CSRNP3: variants seen among roughly 807,000 people sequenced by gnomAD.
The protein encoded by CSRNP3 is cysteine/serine-rich nuclear protein 3.
A neutral mutation model predicts 48.0 loss-of-function variants in CSRNP3; 12 were observed. The observed-to-expected ratio is 0.25, with a 90% CI of 0.16 to 0.41. CSRNP3 has a LOEUF of 0.41. Among genes scored for constraint, CSRNP3 ranks in the 10% least tolerant of loss-of-function variants. The pLI, the probability that CSRNP3 is intolerant of heterozygous loss-of-function variation, is 1.00. For synonymous variants in CSRNP3, 263 were observed against 269.7 expected, an observed-to-expected ratio of 0.98 and a Z score of 0.24; for missense variants, 580 against 724.4, an observed-to-expected ratio of 0.80 and a Z score of 2.29.
intron 3 of CSRNP3, among the ~76,000 whole-genome samples, chr2:165,532,315 A>C (rs546929182): frequency 9.7e-4 from 147 of 152,266 alleles, no homozygotes; most frequent in African/African-American, 3.4e-3. Context: ...CCTCAATAAA[A>C]TACTGGCAAA....
intron 3 of CSRNP3, among the ~76,000 whole-genome samples, chr2:165,559,671 ATAATACAAT>A (rs1685204663): frequency 6.6e-6 from 1 of 152,100 alleles, no homozygotes; most frequent in South Asian, 2.1e-4. Flanking sequence ...AGAATGTAAA[ATAATACAAT>A]TAAGACAAGA....
At position 165,479,945 on chromosome 2, in the gene CSRNP3, G is replaced by T. The variant is rs533430397; in HGVS notation, c.-283+10205G>T. 3.9e-5 allele frequency among the ~76,000 whole-genome samples: 6 copies of T among 152,068 alleles called. No individual in the cohort carries two copies. In the South Asian group the frequency reaches 1.2e-3, roughly 32 times the overall value. ...GGTTCTTTGTTCAGGGCCTCACAAG[G>T]CCAGAATAAAGGTGTCACTTGGCTG... On this transcript the variant is annotated intron_variant, in intron 1 of 6. Coordinates refer to ENST00000651982, the MANE Select transcript of CSRNP3 (RefSeq NM_001172173.2).
At chr2:165,653,972 CAAAAAAAAAAAAAAAAAAAAAAAA>C (rs71028497) in intron 4 of CSRNP3, among the ~76,000 whole-genome samples, 1 of 41,204 alleles carries the variant, frequency 2.4e-5, no homozygotes. Flanking sequence ...AGCTCTATCA[CAAAAAAAAAAAAAAAAAAAAAAAA>C]AAAAAAAAAA....
intron 3 of CSRNP3, among the ~76,000 whole-genome samples, chr2:165,522,079 C>A (rs1005453215): frequency 2.6e-5 from 4 of 152,004 alleles, no homozygotes; most frequent in Non-Finnish European, 5.9e-5. Flanking sequence ...TCACTTGAGT[C>A]CAGGAGTTTG....
intron 3 of CSRNP3, 51 bp from the exon 4 acceptor site, chr2:165,594,992 C>G (rs1009632149): frequency 6.4e-7 from 1 of 1,553,078 alleles, no homozygotes; most frequent in African/African-American, 1.4e-5. Flanking sequence ...CTTGGCTACA[C>G]GTTCAGCGGT....
intron 3 of CSRNP3, among the ~76,000 whole-genome samples, chr2:165,588,859 G>A (rs184486371): frequency 1.4e-4 from 22 of 152,298 alleles, no homozygotes; most frequent in Admixed American, 1.2e-3. Flanking sequence ...CTACTGGTGA[G>A]GCAGAGGTGG....
At chr2:165,646,258 G>T (rs539766876) in intron 4 of CSRNP3, among the ~76,000 whole-genome samples, 2 of 152,116 alleles carry the variant, frequency 1.3e-5, no homozygotes, top group African/African-American at 4.8e-5. Flanking sequence ...GTGGTTTTGG[G>T]CCCAGTCTTG....
intron 3 of CSRNP3, among the ~76,000 whole-genome samples, chr2:165,586,628 T>C (rs1394132470): frequency 1.3e-5 from 2 of 152,204 alleles, no homozygotes; most frequent in Non-Finnish European, 2.9e-5. Context: ...TATGGTGTTC[T>C]TAAGACATAT....
intron 3 of CSRNP3, among the ~76,000 whole-genome samples, chr2:165,539,866 G>T (rs759946056): frequency 6.6e-6 from 1 of 151,990 alleles, no homozygotes; most frequent in Non-Finnish European, 1.5e-5. Context: ...TTTTGCTAAG[G>T]GTGTTTGTTA....
intron 4 of CSRNP3, among the ~76,000 whole-genome samples, chr2:165,631,078 G>A (rs565533274): frequency 2.0e-5 from 3 of 152,078 alleles, no homozygotes; most frequent in Non-Finnish European, 2.9e-5. Context: ...CCTTATTATT[G>A]CAATATTCTG....
At chr2:165,522,527 G>A (rs1684676100) in intron 3 of CSRNP3, among the ~76,000 whole-genome samples, 1 of 151,962 alleles carries the variant, frequency 6.6e-6, no homozygotes, top group East Asian at 2.0e-4. Context: ...AGCAAGTGAA[G>A]TGAAAGGAAA....
chr2:165,678,373 GC>G (rs2105365100), intron 6 of CSRNP3, among the ~76,000 whole-genome samples: 1 of 152,112 alleles, frequency 6.6e-6, no homozygotes, highest in Non-Finnish European at 1.5e-5. Context: ...AAACATGGGA[GC>G]AAAATTAAAG....
In CSRNP3 at chr2:165,576,218, C is replaced by CACAT. The variant is rs1685449097; in HGVS notation, c.-23-18824_-23-18823insCATA. ...TATTATGTATATACACACACACACA[C>CACAT]ATATATATATTTCAAGCAGCCAAAG... is the stretch of plus-strand genomic sequence containing the variant. On this transcript the variant is annotated intron_variant, in intron 3 of 6. Transcript: ENST00000651982. Among the ~76,000 whole-genome samples the CACAT allele has an allele frequency of 5.9e-5, 9 of 151,286 alleles. No homozygotes were observed. In the South Asian group the frequency reaches 1.9e-3, roughly 31 times the overall value.
intron 4 of CSRNP3, among the ~76,000 whole-genome samples, chr2:165,618,930 C>T (rs1030276442): frequency 6.6e-5 from 10 of 152,148 alleles, no homozygotes; most frequent in African/African-American, 1.9e-4. Flanking sequence ...TTCAAACATT[C>T]GGTAACATGC....
chr2:165,619,148 C>A (rs1686297447), intron 4 of CSRNP3, among the ~76,000 whole-genome samples: 1 of 152,070 alleles, frequency 6.6e-6, no homozygotes, highest in Non-Finnish European at 1.5e-5. Flanking sequence ...AGAAAAAGAG[C>A]AACCAACAGT....
intron 1 of CSRNP3, among the ~76,000 whole-genome samples, chr2:165,490,753 A>G (rs1684194094): frequency 7.2e-6 from 1 of 138,208 alleles, no homozygotes; most frequent in South Asian, 2.5e-4. Context: ...CATATGTAGA[A>G]AGCTGAAACT....
chr2:165,504,798 A>G (rs1684401960), intron 2 of CSRNP3, among the ~76,000 whole-genome samples: 1 of 152,126 alleles, frequency 6.6e-6, no homozygotes, highest in African/African-American at 2.4e-5. Flanking sequence ...CAAATTCTTT[A>G]CATATCTCAA....
intron 1 of CSRNP3, among the ~76,000 whole-genome samples, chr2:165,470,974 CT>C (rs1406645586): frequency 2.6e-5 from 4 of 151,448 alleles, no homozygotes; most frequent in Non-Finnish European, 4.4e-5. Flanking sequence ...TATTGTTTTT[CT>C]TTTTGTTTAT....
At chr2:165,672,373 C>G (rs1335765946) in intron 5 of CSRNP3, among the ~76,000 whole-genome samples, 1 of 152,164 alleles carries the variant, frequency 6.6e-6, no homozygotes, top group Non-Finnish European at 1.5e-5. Context: ...GGGGAGACCT[C>G]ACAATCATGG....
Sources: allele counts gnomAD v4.1 joint callset (sites outside exome capture counted in the v4.1 genomes callset), GRCh38; gene constraint gnomAD v4.1.1; transcripts MANE v1.5; gene names NCBI Gene and HGNC (gene_info 2026-07-23, HGNC 2026-07-21).